Variants in PIK3R5 observed in about 807,000 individuals in gnomAD.
The protein encoded by PIK3R5 is phosphoinositide 3-kinase regulatory subunit 5.
A neutral mutation model predicts 94.9 loss-of-function variants in PIK3R5; 32 were observed. That is an observed-to-expected ratio of 0.34 (90% CI 0.25 to 0.45). The LOEUF (loss-of-function observed/expected upper bound fraction) is 0.45, where lower values mean the gene tolerates loss of function less well. PIK3R5 is among the 20% of genes least tolerant of loss of function. The pLI is 1.00. For missense variants in PIK3R5, 853 were observed against 1,144.6 expected (o/e 0.75, Z 3.68); for synonymous variants, 443 against 479.4 (o/e 0.92, Z 0.99).
chr17:8,946,851 A>G (rs1357275819), intron 1 of PIK3R5, among the ~76,000 whole-genome samples: 1 of 151,434 alleles, frequency 6.6e-6, no homozygotes, highest in Admixed American at 6.6e-5. Context: ...TTCTGTTCTC[A>G]AGGAGGACTC....
chr17:8,886,760 G>C (rs2089869154), intron 12 of PIK3R5, among the ~76,000 whole-genome samples, 155 bp from the exon 13 acceptor site: 1 of 152,168 alleles, frequency 6.6e-6, no homozygotes, highest in Admixed American at 6.5e-5. Flanking sequence ...GAGGGCCGGT[G>C]CCCAGCCTCC....
chr17:8,888,048 A>AATAATT lies in PIK3R5; in HGVS notation c.1616+122_1616+123insAATTAT, dbSNP rs1874526948. ...TAATAATAATAATAATAATAATAAT[A>AATAATT]AAATAAAAATAAATAAGGGAACTTT... On this transcript the variant is annotated intron_variant, in intron 10 of 18. Transcript: ENST00000447110. This position sits in a 1 kb window ranked among gnomAD's most constrained non-coding sequence, Gnocchi z 7.8. The AATAATT allele has an allele frequency of 6.1e-6, 2 of 325,232 alleles. No individual in the cohort carries two copies. The highest frequency in any genetic ancestry group is 2.5e-4 in the South Asian group (2 of 7,846). 20.1% of individuals were successfully genotyped at this position (325,232 alleles called of 1,614,324 possible).
At position 8,905,748 on chromosome 17, in the gene PIK3R5, G is replaced by A. The variant is rs1416824794; in HGVS notation, c.205-11C>T. On this transcript the variant is annotated splice_polypyrimidine_tract_variant and intron_variant, in intron 3 of 18. Transcript: ENST00000447110. ...GCCCTTCTCCTGGACCTGTGGAGAG[G>A]AGGAGAAGGGGAATGAGCCTCATTC... 3.8e-6 allele frequency: 6 copies of A among 1,585,590 alleles called. No homozygotes were observed. Among genetic ancestry groups the A allele is most frequent in the Admixed American group, 3.5e-5 (2 of 56,740 alleles).
chr17:8,951,723 G>A (rs1397071182), intron 1 of PIK3R5, among the ~76,000 whole-genome samples: 1 of 152,190 alleles, frequency 6.6e-6, no homozygotes, highest in East Asian at 1.9e-4. Context: ...GCAGGGCTTA[G>A]GAGGCAAGCT....
intron 1 of PIK3R5, among the ~76,000 whole-genome samples, chr17:8,941,795 C>T: frequency 6.6e-6 from 1 of 152,244 alleles, no homozygotes; most frequent in Non-Finnish European, 1.5e-5. Context: ...ATCAACCTGT[C>T]ACCACCTGTC....
chr17:8,942,450 C>T (rs1470735305), intron 1 of PIK3R5, among the ~76,000 whole-genome samples: 1 of 152,152 alleles, frequency 6.6e-6, no homozygotes, highest in Non-Finnish European at 1.5e-5. Flanking sequence ...TGCCACAACC[C>T]CCCATCTGCA....
At position 8,886,278 on chromosome 17, in the gene PIK3R5, G is replaced by A. The variant is rs769001307; in HGVS notation, c.2079C>T (p.His693=). 4.3e-6 allele frequency: 7 copies of A among 1,613,686 alleles called. No individual in the cohort carries two copies. The East Asian group carries it at 1.6e-4, about 36-fold the overall frequency. The change falls in exon 14 of 19, where the codon CAC becomes CAT. Residue 693 remains histidine, a synonymous_variant. Coordinates refer to ENST00000447110, the MANE Select transcript of PIK3R5 (RefSeq NM_001142633.3). Reference sequence around the variant, plus strand: ...CAGCGGAGTGACCCAGCTCCAAGGAGTGGATGAAGATCTCTGTCGTCTTCT... The same window carrying A: ...CAGCGGAGTGACCCAGCTCCAAGGAATGGATGAAGATCTCTGTCGTCTTCT... ...TGEKTTEIFI[H]SLELGHSAAT... is the part of the protein sequence containing the mutation.
rs943369033 is a variant in PIK3R5 at position 8,905,742 on chromosome 17, G to A, written c.205-5C>T. On this transcript the variant is annotated splice_region_variant and splice_polypyrimidine_tract_variant and intron_variant, in intron 3 of 18. Transcript: ENST00000447110. ...GTAGGTGCCCTTCTCCTGGACCTGT[G>A]GAGAGGAGGAGAAGGGGAATGAGCC... The A allele has an allele frequency of 6.3e-6, 10 of 1,589,780 alleles. No individual in the cohort carries two copies. The Admixed American group carries it at 1.6e-4, about 25-fold the overall frequency.
At position 8,889,665 on chromosome 17, in the gene PIK3R5, A is replaced by C. The variant is rs1238626986; in HGVS notation, c.811+308T>G. On this transcript the variant is annotated intron_variant, in intron 8 of 18. Transcript: ENST00000447110. This position sits in a 1 kb window ranked among gnomAD's most constrained non-coding sequence, Gnocchi z 4.1. ...TGGCCACGTGACCAAGGCGGGCTCAAAGGAACATGAGCGGAAGTGATGTGC... is the reference window on the plus strand; with the variant it reads ...TGGCCACGTGACCAAGGCGGGCTCACAGGAACATGAGCGGAAGTGATGTGC... Among the ~76,000 whole-genome samples, 2 of 152,150 alleles carry C rather than the reference A, an allele frequency of 1.3e-5. No homozygotes were observed. The highest frequency in any genetic ancestry group is 2.4e-5 in the African/African-American group (1 of 41,416).
rs2089646792 is a variant in PIK3R5 at position 8,881,125 on chromosome 17, G to A, written c.2383-108C>T. On this transcript the variant is annotated intron_variant, in intron 17 of 18. Transcript: ENST00000447110. This position sits in a 1 kb window ranked among gnomAD's most constrained non-coding sequence, Gnocchi z 4.8. ...CCATCCACTTCTAGGGGTGTGGGAG[G>A]GCAGGGGTTTGTCTGACTGCGCTCC... is the stretch of plus-strand genomic sequence containing the variant. 1 of 848,980 alleles carries A rather than the reference G, an allele frequency of 1.2e-6. No individual in the cohort carries two copies. The highest frequency in any genetic ancestry group is 1.4e-5 in the South Asian group (1 of 71,894). The allele number at this position is 848,980 out of a possible 1,614,324, so 52.6% of individuals were successfully genotyped here.
At chr17:8,885,829 C>T (rs1322467820) in intron 14 of PIK3R5, among the ~76,000 whole-genome samples, 8 of 126,932 alleles carry the variant, frequency 6.3e-5, no homozygotes, top group African/African-American at 2.6e-4. Flanking sequence ...CTGGGTAACC[C>T]CGCCTCCCCA....
chr17:8,962,858 T>C (rs952880890), intron 1 of PIK3R5, among the ~76,000 whole-genome samples: 2 of 152,250 alleles, frequency 1.3e-5, no homozygotes, highest in Non-Finnish European at 2.9e-5. Flanking sequence ...AAGTCAGATG[T>C]ACTCTTTCCT....
chr17:8,893,514 G>A lies in PIK3R5; in HGVS notation c.482+72C>T. 8.4e-7 allele frequency: 1 copy of A among 1,190,292 alleles called. No individual in the cohort carries two copies. Among genetic ancestry groups the A allele is most frequent in the Non-Finnish European group, 1.3e-6 (1 of 799,246 alleles). 73.7% of individuals were successfully genotyped at this position (1,190,292 alleles called of 1,614,324 possible). Reference sequence around the variant, plus strand: ...CACTGGATGTTTGAGTGGGGGAGGAGGGTGAAGGTGGAACAGTGCAGGGGT... The same window carrying A: ...CACTGGATGTTTGAGTGGGGGAGGAAGGTGAAGGTGGAACAGTGCAGGGGT... On this transcript the variant is annotated intron_variant, in intron 6 of 18. Transcript: ENST00000447110. This position sits in a 1 kb window ranked among gnomAD's most constrained non-coding sequence, Gnocchi z 5.1.
At chr17:8,959,016 C>A (rs1422030177) in intron 1 of PIK3R5, among the ~76,000 whole-genome samples, 1 of 152,186 alleles carries the variant, frequency 6.6e-6, no homozygotes, top group Non-Finnish European at 1.5e-5. Context: ...CCTCGGCCTC[C>A]CAAAGTGCTG....
intron 12 of PIK3R5, 149 bp from the exon 13 acceptor site, chr17:8,886,754 G>C: frequency 1.0e-6 from 1 of 953,080 alleles, no homozygotes; most frequent in Non-Finnish European, 1.6e-6. Flanking sequence ...GCAGGGGAGG[G>C]CCGGTGCCCA....
rs781181559 is a variant in PIK3R5 at position 8,881,792 on chromosome 17, C to G, written c.2295G>C (p.Glu765Asp). The G allele has an allele frequency of 6.2e-7, 1 of 1,614,120 alleles. No homozygotes were observed. The highest frequency in any genetic ancestry group is 8.5e-7 in the Non-Finnish European group (1 of 1,179,962). The change falls in exon 16 of 19, where the codon GAG becomes GAC. Residue 765 changes from glutamate to aspartate, a missense_variant. Transcript: ENST00000447110. The surrounding 1 kb of genome is among the most constrained non-coding windows in gnomAD (Gnocchi z 4.8). Reference sequence around the variant, plus strand: ...CACACTGACCACCCCACTCACCCAGCTCCTCCTGCTTCCGGCAGGCCTTGT... The same window carrying G: ...CACACTGACCACCCCACTCACCCAGGTCCTCCTGCTTCCGGCAGGCCTTGT... The part of the protein sequence containing the change: ...NLNKACRKQE[E>D]LDSSMEALTL...
intron 12 of PIK3R5, among the ~76,000 whole-genome samples, chr17:8,886,872 C>T (rs750892076): frequency 6.6e-6 from 1 of 152,170 alleles, no homozygotes; most frequent in Non-Finnish European, 1.5e-5. Context: ...CCCCCGGACC[C>T]TTCTGAGGGC....
At chr17:8,950,262 A>T (rs1447418638) in intron 1 of PIK3R5, among the ~76,000 whole-genome samples, 1 of 152,240 alleles carries the variant, frequency 6.6e-6, no homozygotes, top group East Asian at 1.9e-4. Flanking sequence ...AATGCCAGAG[A>T]ACCCTGCCTT....
In PIK3R5 at chr17:8,925,422, T is replaced by G. The variant is rs1029401862; in HGVS notation, c.-13-13915A>C. Among the ~76,000 whole-genome samples, 1 of 148,172 alleles carries G rather than the reference T, an allele frequency of 6.7e-6. No homozygotes were observed. The highest frequency in any genetic ancestry group is 1.5e-5 in the Non-Finnish European group (1 of 67,180). ...GAGAGATAGTAGATGGATAGGTAGA[T>G]AGTAGATGGAGAGATAGATAGTAGA... On this transcript the variant is annotated intron_variant, in intron 1 of 18. Coordinates refer to ENST00000447110, the MANE Select transcript of PIK3R5 (RefSeq NM_001142633.3). This position sits in a 1 kb window ranked among gnomAD's most constrained non-coding sequence, Gnocchi z 5.1.
Sources: gnomAD v4.1 joint callset for allele counts (sites outside exome capture counted in the v4.1 genomes callset) on GRCh38, gnomAD v4.1.1 for gene constraint, Gnocchi (gnomAD v3.1) non-coding constraint, MANE v1.5 for transcripts, NCBI Gene and HGNC (gene_info 2026-07-23, HGNC 2026-07-21) for gene names.